The following ANO3 variants were observed in gnomAD, a reference collection of about 807,000 sequenced individuals.
The protein encoded by ANO3 is anoctamin 3, also known as anoctamin-3.
In ANO3, 99 loss-of-function variants were observed where a neutral mutation model predicts 144.8. The observed-to-expected ratio is 0.68, with a 90% CI of 0.58 to 0.81. ANO3 has a LOEUF of 0.81. Among genes scored for constraint, ANO3 ranks in the 30% least tolerant of loss-of-function variants. ANO3 has a pLI of 0.00. For synonymous variants in ANO3, 414 were observed against 392.6 expected, an observed-to-expected ratio of 1.05 and a Z score of -0.64; for missense variants, 905 against 1,202.2, an observed-to-expected ratio of 0.75 and a Z score of 3.66.
At chr11:26,636,385 A>T (rs1188333335) in intron 20 of ANO3, among the ~76,000 whole-genome samples, 1 of 152,234 alleles carries the variant, frequency 6.6e-6, no homozygotes, top group Non-Finnish European at 1.5e-5. Context: ...ATCTTTTACT[A>T]CAACTATATA....
intron 5 of ANO3, among the ~76,000 whole-genome samples, chr11:26,514,990 G>T (rs558072290): frequency 6.6e-6 from 1 of 151,808 alleles, no homozygotes; most frequent in Admixed American, 6.6e-5. Context: ...TTAAACAAAT[G>T]GTTATTTGAA....
intron 5 of ANO3, among the ~76,000 whole-genome samples, chr11:26,515,047 A>G (rs1431476822): frequency 1.3e-5 from 2 of 152,068 alleles, no homozygotes; most frequent in African/African-American, 4.8e-5. Context: ...TTTCCCAAGC[A>G]TAGATAATAT....
At position 26,323,054 on chromosome 11, in the gene ANO3, T is replaced by C. The variant is rs554751651; in HGVS notation, c.-3+13335T>C. ...TCATCTGTGACCACTGAGACCTCTT[T>C]CCATTGGTTTCTGTGACCCCTTTGA... On this transcript the variant is annotated intron_variant, in intron 1 of 26. Coordinates refer to the ANO3 transcript ENST00000525139. Among the ~76,000 whole-genome samples, 215 of 152,236 alleles carry C rather than the reference T, an allele frequency of 1.4e-3. 1 individual carries two copies. The highest frequency in any genetic ancestry group is 4.9e-3 in the African/African-American group (205 of 41,560).
chr11:26,249,270 A>G (rs1852870840), intron 1 of ANO3, among the ~76,000 whole-genome samples: 1 of 152,324 alleles, frequency 6.6e-6, no homozygotes, highest in African/African-American at 2.4e-5. Flanking sequence ...TGTTTTGTTT[A>G]TAAATGACTT....
chr11:26,455,201 A>G (rs1202682296), intron 3 of ANO3, among the ~76,000 whole-genome samples: 1 of 150,484 alleles, frequency 6.6e-6, no homozygotes, highest in Admixed American at 6.6e-5. Context: ...CCTATTCAAC[A>G]TAGTGTTGGA....
At chr11:26,421,449 G>C (rs1857748695) in intron 1 of ANO3, among the ~76,000 whole-genome samples, 1 of 151,824 alleles carries the variant, frequency 6.6e-6, no homozygotes, top group Non-Finnish European at 1.5e-5. Flanking sequence ...AAATTACATA[G>C]CATCCCCAAG....
At chr11:26,280,171 A>G (rs1853646712) in intron 1 of ANO3, among the ~76,000 whole-genome samples, 1 of 152,220 alleles carries the variant, frequency 6.6e-6, no homozygotes, top group Admixed American at 6.5e-5. Flanking sequence ...CCACATGTGC[A>G]GAGTTGTGCA....
At chr11:26,637,045 T>TCATG (rs1297561313) in intron 20 of ANO3, among the ~76,000 whole-genome samples, 2 of 152,192 alleles carry the variant, frequency 1.3e-5, no homozygotes, top group East Asian at 3.9e-4. Flanking sequence ...GCACACTCAC[T>TCATG]CATGCCCTTT....
At chr11:26,587,733 G>A (rs1375079851) in intron 14 of ANO3, among the ~76,000 whole-genome samples, 3 of 152,098 alleles carry the variant, frequency 2.0e-5, no homozygotes, top group Admixed American at 6.5e-5. Context: ...AAGGCAGGAG[G>A]ATTGCCTGAG....
intron 5 of ANO3, among the ~76,000 whole-genome samples, chr11:26,514,852 A>G (rs938466018): frequency 3.5e-4 from 53 of 152,190 alleles, no homozygotes; most frequent in African/African-American, 1.1e-3. Context: ...AGTTTTTCTC[A>G]TCTTTATCAT....
At chr11:26,623,034 G>A (rs1852466921) in intron 17 of ANO3, among the ~76,000 whole-genome samples, 1 of 152,172 alleles carries the variant, frequency 6.6e-6, no homozygotes, top group Admixed American at 6.5e-5. Flanking sequence ...ACCTGTTACA[G>A]TAGGAATCAC....
intron 1 of ANO3, among the ~76,000 whole-genome samples, chr11:26,429,886 C>G: frequency 6.6e-6 from 1 of 151,836 alleles, no homozygotes. Flanking sequence ...TAGATACTAA[C>G]ACACTAATAG....
intron 4 of ANO3, among the ~76,000 whole-genome samples, chr11:26,488,632 G>T (rs114504652): frequency 6.6e-6 from 1 of 152,106 alleles, no homozygotes; most frequent in Non-Finnish European, 1.5e-5. Context: ...CTTAAAGATC[G>T]TGCATCTGGA....
chr11:26,430,974 T>C (rs949555919), intron 1 of ANO3, among the ~76,000 whole-genome samples: 3 of 152,200 alleles, frequency 2.0e-5, no homozygotes, highest in Non-Finnish European at 4.4e-5. Flanking sequence ...GTTTCAATGC[T>C]AATTGACTTG....
intron 1 of ANO3, among the ~76,000 whole-genome samples, chr11:26,369,807 T>A (rs554091436): frequency 2.0e-5 from 3 of 152,344 alleles, no homozygotes; most frequent in Non-Finnish European, 2.9e-5. Flanking sequence ...AATTGGAATC[T>A]TCCCAGTTTG....
chr11:26,369,280 T>A (rs899524687), intron 1 of ANO3, among the ~76,000 whole-genome samples: 1 of 152,128 alleles, frequency 6.6e-6, no homozygotes, highest in African/African-American at 2.4e-5. Context: ...ATTTAGGAAC[T>A]CTTTCAAAAT....
At chr11:26,513,660 C>A (rs1216852497) in intron 5 of ANO3, among the ~76,000 whole-genome samples, 2 of 152,052 alleles carry the variant, frequency 1.3e-5, no homozygotes, top group African/African-American at 4.8e-5. Flanking sequence ...AGAATAAGGC[C>A]CAGCTCCTGA....
chr11:26,338,634 A>T (rs1315493752), intron 1 of ANO3, among the ~76,000 whole-genome samples: 1 of 152,162 alleles, frequency 6.6e-6, no homozygotes, highest in Non-Finnish European at 1.5e-5. Context: ...TACCTTTATG[A>T]ACTGTAGCAC....
chr11:26,330,011 C>A (rs1411897200), upstream of ANO3, among the ~76,000 whole-genome samples: 2 of 152,050 alleles, frequency 1.3e-5, no homozygotes, highest in African/African-American at 4.8e-5. Context: ...TCCTGCTGAC[C>A]AGGGATTGAA....
Sources: allele counts gnomAD v4.1 joint callset (sites outside exome capture counted in the v4.1 genomes callset), GRCh38; gene constraint gnomAD v4.1.1; transcripts MANE v1.5; gene names NCBI Gene and HGNC (gene_info 2026-07-23, HGNC 2026-07-21).